MFSD6: variants seen among roughly 807,000 people sequenced by gnomAD.
MFSD6 encodes the protein major facilitator superfamily domain containing 6.
A neutral mutation model predicts 56.3 loss-of-function variants in MFSD6; 26 were observed. The observed-to-expected ratio is 0.46, with a 90% CI of 0.34 to 0.64. The LOEUF is 0.64. MFSD6 is among the 30% of genes least tolerant of loss of function. MFSD6 has a pLI of 0.01. For missense variants in MFSD6, 750 were observed against 986.2 expected (o/e 0.76, Z 3.21); for synonymous variants, 331 against 366.9 (o/e 0.90, Z 1.12).
Position 190,480,649 on chromosome 2 carries a change from T to C in MFSD6, c.1631-8008T>C, listed in dbSNP as rs184720833. Reference sequence around the variant, plus strand: ...CAATAATCCGGAAACCATAAAGTGCTAAGGCTTGAATTAGACTATCTGGGT... The same window carrying C: ...CAATAATCCGGAAACCATAAAGTGCCAAGGCTTGAATTAGACTATCTGGGT... On this transcript the variant is annotated intron_variant, in intron 4 of 7. Coordinates refer to ENST00000392328, the MANE Select transcript of MFSD6 (RefSeq NM_017694.4). Among the ~76,000 whole-genome samples, 3 of 152,336 alleles carry C rather than the reference T, an allele frequency of 2.0e-5. No individual in the cohort carries two copies. In the East Asian group the frequency reaches 5.8e-4, roughly 29 times the overall value.
chr2:190,464,798 A>C, intron 3 of MFSD6: 2 of 461,236 alleles, frequency 4.3e-6, no homozygotes, highest in Non-Finnish European at 5.7e-6. Flanking sequence ...AAGACCAAGT[A>C]GATTTCCTCT....
Position 190,482,903 on chromosome 2 carries a change from T to TTTTTTTTTTTTTTTTTTTTTTTTG in MFSD6, c.1631-5754_1631-5753insTTTTTTTTTTTTTTTTTTTTTTTG, listed in dbSNP as rs544591315. ...TTTTTTTTTTTTTTTTTTTTTTTTT[T>TTTTTTTTTTTTTTTTTTTTTTTTG]AGACGGAGTCTCACTCTGTCGCCCA... is the stretch of plus-strand genomic sequence containing the variant. On this transcript the variant is annotated intron_variant, in intron 4 of 7. Transcript: ENST00000392328. Among the ~76,000 whole-genome samples the TTTTTTTTTTTTTTTTTTTTTTTTG allele has an allele frequency of 3.1e-4, 27 of 86,250 alleles. 10 individuals are homozygous for TTTTTTTTTTTTTTTTTTTTTTTTG. The highest frequency in any genetic ancestry group is 3.9e-4 in the Non-Finnish European group (18 of 46,502). The allele number at this position is 86,250 out of a possible 152,430, so 56.6% of individuals were successfully genotyped here.
rs532616021 is a variant in MFSD6 at position 190,467,429 on chromosome 2, A to G, written c.1533-2329A>G. On this transcript the variant is annotated intron_variant, in intron 3 of 7. Coordinates refer to ENST00000392328, the MANE Select transcript of MFSD6 (RefSeq NM_017694.4). This position sits in a 1 kb window ranked among gnomAD's most constrained non-coding sequence, Gnocchi z 5.5. Reference sequence around the variant, plus strand: ...GGAGTTTGAGACCAGCCTGGCCAACATGGCAAAACCTCGTCTCTACTAAAA... The same window carrying G: ...GGAGTTTGAGACCAGCCTGGCCAACGTGGCAAAACCTCGTCTCTACTAAAA... 2.1e-4 allele frequency among the ~76,000 whole-genome samples: 32 copies of G among 152,332 alleles called. No homozygotes were observed. The highest frequency in any genetic ancestry group is 7.7e-4 in the African/African-American group (32 of 41,568).
rs147620680 is a variant in MFSD6 at position 190,499,871 on chromosome 2, C to T, written c.2173-144C>T. The T allele has an allele frequency of 1.3e-5, 20 of 1,552,550 alleles. No individual in the cohort carries two copies. The East Asian group carries it at 4.9e-4, about 38-fold the overall frequency. On this transcript the variant is annotated intron_variant, in intron 7 of 7. Transcript: ENST00000392328. The surrounding 1 kb of genome is among the most constrained non-coding windows in gnomAD (Gnocchi z 6.0). Reference sequence around the variant, plus strand: ...GGAGATGAAAGGTAAGACATTCTATCCTTATTCCTCTATTACTTGGTCCCT... The same window carrying T: ...GGAGATGAAAGGTAAGACATTCTATTCTTATTCCTCTATTACTTGGTCCCT...
intron 3 of MFSD6, among the ~76,000 whole-genome samples, chr2:190,453,294 G>A (rs140596168): frequency 6.6e-6 from 1 of 152,062 alleles, no homozygotes; most frequent in Non-Finnish European, 1.5e-5. Context: ...TGTGGGCTCT[G>A]GGTAGGGGAA....
Position 190,413,298 on chromosome 2 carries a change from G to T in MFSD6, c.-175-1994G>T, listed in dbSNP as rs1412780978. Among the ~76,000 whole-genome samples the T allele has an allele frequency of 1.3e-5, 2 of 152,042 alleles. No homozygotes were observed. Among genetic ancestry groups the T allele is most frequent in the East Asian group, 3.8e-4 (2 of 5,200 alleles). On this transcript the variant is annotated intron_variant, in intron 1 of 7. Transcript: ENST00000392328. The surrounding 1 kb of genome is among the most constrained non-coding windows in gnomAD (Gnocchi z 4.1). ...AGGATGGGAGGGGCGGGGTAGAATG[G>T]GGGAGAATAGGGCAAAGATGGGAAG...
Position 190,413,060 on chromosome 2 carries a change from T to C in MFSD6, c.-175-2232T>C, listed in dbSNP as rs1690624142. On this transcript the variant is annotated intron_variant, in intron 1 of 7. Transcript: ENST00000392328. This position sits in a 1 kb window ranked among gnomAD's most constrained non-coding sequence, Gnocchi z 4.1. ...GCTATAGTTACTGGTTGCTATGTTA[T>C]GGCTTTAAAAAGAGCACACCCTCCC... 6.6e-6 allele frequency among the ~76,000 whole-genome samples: 1 copy of C among 152,218 alleles called. No homozygotes were observed. The highest frequency in any genetic ancestry group is 1.5e-5 in the Non-Finnish European group (1 of 68,038).
At position 190,410,601 on chromosome 2, in the gene MFSD6, G is replaced by T. The variant is rs1690519574; in HGVS notation, c.-176+2098G>T. Among the ~76,000 whole-genome samples the T allele has an allele frequency of 6.6e-6, 1 of 152,186 alleles. No individual in the cohort carries two copies. The highest frequency in any genetic ancestry group is 1.5e-5 in the Non-Finnish European group (1 of 68,042). On this transcript the variant is annotated intron_variant, in intron 1 of 7. Transcript: ENST00000392328. The surrounding 1 kb of genome is among the most constrained non-coding windows in gnomAD (Gnocchi z 4.4). ...GTTTACCCTTTTGTCCTCACCAGTT[G>T]TAGATTGAAGGCAGTATGAAGCTGA... is the stretch of plus-strand genomic sequence containing the variant.
chr2:190,440,795 T>C (rs558082662), intron 3 of MFSD6, among the ~76,000 whole-genome samples: 1 of 152,350 alleles, frequency 6.6e-6, no homozygotes, highest in Non-Finnish European at 1.5e-5. Flanking sequence ...AGCCATCAAT[T>C]ACTACTTAAT....
chr2:190,423,269 G>A lies in MFSD6; in HGVS notation c.-54+7856G>A, dbSNP rs1685685848. Among the ~76,000 whole-genome samples, 1 of 152,112 alleles carries A rather than the reference G, an allele frequency of 6.6e-6. No individual in the cohort carries two copies. Among genetic ancestry groups the A allele is most frequent in the African/African-American group, 2.4e-5 (1 of 41,416 alleles). On this transcript the variant is annotated intron_variant, in intron 2 of 7. Transcript: ENST00000392328. This position sits in a 1 kb window ranked among gnomAD's most constrained non-coding sequence, Gnocchi z 4.3. The stretch of plus-strand genomic sequence containing the variant: ...AGGTCCCTCATGTTGCCCTTGTATA[G>A]CCACCTCTACTTCCCTCCTGTCCCC...
chr2:190,493,771 T>C lies in MFSD6; in HGVS notation c.1892-3668T>C, dbSNP rs562124377. Among the ~76,000 whole-genome samples, 8 of 152,268 alleles carry C rather than the reference T, an allele frequency of 5.3e-5. No homozygotes were observed. The South Asian group carries it at 1.2e-3, about 24-fold the overall frequency. On this transcript the variant is annotated intron_variant, in intron 6 of 7. Transcript: ENST00000392328. The stretch of plus-strand genomic sequence containing the variant: ...AATTAAATAACCTCCTGAATTATCA[T>C]TGGGTCAACAGCAAAATCAAGATGG...
chr2:190,444,421 A>T (rs1467068894), intron 3 of MFSD6, among the ~76,000 whole-genome samples: 2 of 152,212 alleles, frequency 1.3e-5, no homozygotes, highest in African/African-American at 2.4e-5. Flanking sequence ...CTACTGTAAT[A>T]TCAGTGTCAG....
intron 4 of MFSD6, among the ~76,000 whole-genome samples, chr2:190,474,624 T>C (rs1448978780): frequency 6.6e-5 from 10 of 152,196 alleles, no homozygotes; most frequent in Admixed American, 6.5e-4. Context: ...CACAGCTGAA[T>C]TCGACCAGAG....
Position 190,456,577 on chromosome 2 carries a change from G to A in MFSD6, c.1533-13181G>A, listed in dbSNP as rs1687050149. ...TGGCATGGCCTAAGCCCAAGAGGGA[G>A]ACTCTGGACAGCTCTGTCCCTGCCA... On this transcript the variant is annotated intron_variant, in intron 3 of 7. Transcript: ENST00000392328. This position sits in a 1 kb window ranked among gnomAD's most constrained non-coding sequence, Gnocchi z 5.4. Among the ~76,000 whole-genome samples, 1 of 152,200 alleles carries A rather than the reference G, an allele frequency of 6.6e-6. No homozygotes were observed. The highest frequency in any genetic ancestry group is 1.5e-5 in the Non-Finnish European group (1 of 68,022).
rs1266758059 is a variant in MFSD6, at chr2:190,463,816, T to A, written c.1533-5942T>A. On this transcript the variant is annotated intron_variant, in intron 3 of 7. Transcript: ENST00000392328. The surrounding 1 kb of genome is among the most constrained non-coding windows in gnomAD (Gnocchi z 4.4). The stretch of plus-strand genomic sequence containing the variant: ...GCCTGGGTAACAGAGCAAGACCCTG[T>A]CTCAAAAATAAATAAATAAATAAAA... The A allele has an allele frequency of 1.1e-6, 1 of 919,276 alleles. No individual in the cohort carries two copies. The highest frequency in any genetic ancestry group is 6.2e-5 in the Admixed American group (1 of 16,170). 56.9% of individuals were successfully genotyped at this position (919,276 alleles called of 1,614,324 possible).
intron 4 of MFSD6, among the ~76,000 whole-genome samples, chr2:190,484,965 T>C (rs1467537245): frequency 6.6e-6 from 1 of 152,198 alleles, no homozygotes; most frequent in Non-Finnish European, 1.5e-5. Context: ...TTCCCTGAGT[T>C]AATTTAAAGA....
intron 2 of MFSD6, among the ~76,000 whole-genome samples, chr2:190,429,626 A>G (rs1050296824): frequency 1.3e-5 from 2 of 152,094 alleles, no homozygotes; most frequent in African/African-American, 4.8e-5. Context: ...GAAATTCTTA[A>G]TTTTAATGTA....
In MFSD6 at chr2:190,469,705, T is replaced by C. The variant is rs1000587311; in HGVS notation, c.1533-53T>C. 1.2e-5 allele frequency: 13 copies of C among 1,116,612 alleles called. No homozygotes were observed. Among genetic ancestry groups the C allele is most frequent in the Non-Finnish European group, 1.3e-5 (11 of 838,148 alleles). The allele number at this position is 1,116,612 out of a possible 1,614,324, so 69.2% of individuals were successfully genotyped here. A position where few individuals can be genotyped will look rare whatever the true frequency, so the allele number is the denominator to read the frequency against. ...ATTAGATTGTATATTAGGGACTCAG[T>C]TTATTTTCCTTTGCTTTTTTTTATT... On this transcript the variant is annotated intron_variant, in intron 3 of 7. Coordinates refer to ENST00000392328, the MANE Select transcript of MFSD6 (RefSeq NM_017694.4). This position sits in a 1 kb window ranked among gnomAD's most constrained non-coding sequence, Gnocchi z 5.3.
rs1689809121 is a variant in MFSD6, at chr2:190,498,086, A to G, written c.2172+367A>G. 1.1e-5 allele frequency: 2 copies of G among 182,634 alleles called. No individual in the cohort carries two copies. Among genetic ancestry groups the G allele is most frequent in the South Asian group, 2.4e-4 (2 of 8,464 alleles). The allele number at this position is 182,634 out of a possible 1,614,324, so 11.3% of individuals were successfully genotyped here. On this transcript the variant is annotated intron_variant, in intron 7 of 7. Transcript: ENST00000392328. This position sits in a 1 kb window ranked among gnomAD's most constrained non-coding sequence, Gnocchi z 5.9. Reference sequence around the variant, plus strand: ...GGGGGCATTATATTATAGGACCACAATAAATATTTGTTGAATTAATTAATC... The same window carrying G: ...GGGGGCATTATATTATAGGACCACAGTAAATATTTGTTGAATTAATTAATC...
Sources: gnomAD v4.1 joint callset for allele counts (sites outside exome capture counted in the v4.1 genomes callset) on GRCh38, gnomAD v4.1.1 for gene constraint, Gnocchi (gnomAD v3.1) non-coding constraint, MANE v1.5 for transcripts, NCBI Gene and HGNC (gene_info 2026-07-23, HGNC 2026-07-21) for gene names.